Variants in PGM5 observed in about 807,000 individuals in gnomAD.
PGM5 encodes phosphoglucomutase 5, also known as phosphoglucomutase-like protein 5.
PGM5 carries 23 observed loss-of-function variants against 59.2 expected under a neutral mutation model. The observed-to-expected ratio is 0.39, with a 90% CI of 0.28 to 0.55. The LOEUF (loss-of-function observed/expected upper bound fraction) is 0.55, where lower values mean the gene tolerates loss of function less well. Ranked by LOEUF, PGM5 falls within the 20% of genes least tolerant of loss-of-function variation. PGM5 has a pLI of 0.66. For synonymous variants in PGM5, 214 were observed against 286.0 expected (o/e 0.75, Z 2.54); for missense variants, 574 against 748.3 (o/e 0.77, Z 2.72).
intron 10 of PGM5, among the ~76,000 whole-genome samples, chr9:68,507,833 A>T (rs1025126029): frequency 6.6e-6 from 1 of 152,102 alleles, no homozygotes; most frequent in African/African-American, 2.4e-5. Flanking sequence ...AGATATTGAA[A>T]TCTGGACTCA....
In PGM5 at chr9:68,395,704, G is replaced by A. The variant is rs2257447; in HGVS notation, c.1043+3231G>A. ...ATTTTCTTTATTTTGACGCTATTAT[G>A]AATGTTTTATGAATTTAATTTTCCA... On this transcript the variant is annotated intron_variant, in intron 6 of 10. Coordinates refer to ENST00000396396, the MANE Select transcript of PGM5 (RefSeq NM_021965.4). 2.6e-5 allele frequency: 4 copies of A among 151,966 alleles called. 1 individual carries two copies. In the South Asian group the frequency reaches 8.3e-4, roughly 32 times the overall value. The allele number at this position is 151,966 out of a possible 1,614,324, so 9.4% of individuals were successfully genotyped here. A position where few individuals can be genotyped will look rare whatever the true frequency, so the allele number is the denominator to read the frequency against.
intron 9 of PGM5, among the ~76,000 whole-genome samples, chr9:68,486,583 T>C (rs1824300291): frequency 2.0e-5 from 3 of 152,242 alleles, no homozygotes; most frequent in African/African-American, 7.2e-5. Flanking sequence ...ATTTTCAGGG[T>C]TCATCCACTT....
chr9:68,403,487 C>G (rs1587795384), intron 6 of PGM5, among the ~76,000 whole-genome samples: 1 of 152,178 alleles, frequency 6.6e-6, no homozygotes, highest in Non-Finnish European at 1.5e-5. Flanking sequence ...CAAAACCGGT[C>G]CCTGGTGCCA....
rs1823454959 is a variant in PGM5 at position 68,437,284 on chromosome 9, G to A, written c.1044-27809G>A. On this transcript the variant is annotated intron_variant, in intron 6 of 10. Coordinates refer to ENST00000396396, the MANE Select transcript of PGM5 (RefSeq NM_021965.4). The surrounding 1 kb of genome is among the most constrained non-coding windows in gnomAD (Gnocchi z 4.1). ...TCTCCTCTTGTTTTATTACATCTGG[G>A]TACTTATTGAAGGAAGAGACTCTGA... Among the ~76,000 whole-genome samples, 1 of 152,000 alleles carries A rather than the reference G, an allele frequency of 6.6e-6. No individual in the cohort carries two copies. The highest frequency in any genetic ancestry group is 2.4e-5 in the African/African-American group (1 of 41,376).
At chr9:68,365,542 A>G (rs2131976444) in intron 1 of PGM5, among the ~76,000 whole-genome samples, 1 of 152,338 alleles carries the variant, frequency 6.6e-6, no homozygotes, top group East Asian at 1.9e-4. Context: ...TTTTAGTAAC[A>G]TCAACTTTTG....
At chr9:68,382,490 A>G (rs1319261655) in intron 2 of PGM5, among the ~76,000 whole-genome samples, 10 of 151,798 alleles carry the variant, frequency 6.6e-5, no homozygotes, top group Non-Finnish European at 1.3e-4. Context: ...CTCAGGCTAC[A>G]AAAGCAAAAA....
chr9:68,461,554 A>ATT (rs2132076972), intron 6 of PGM5, among the ~76,000 whole-genome samples: 1 of 152,306 alleles, frequency 6.6e-6, no homozygotes, highest in East Asian at 1.9e-4. Context: ...AGGGCCTTTA[A>ATT]GAGGTGTTCA....
chr9:68,434,319 A>AG (rs1823408635), intron 6 of PGM5, among the ~76,000 whole-genome samples: 1 of 34,320 alleles, frequency 2.9e-5, no homozygotes, highest in African/African-American at 8.1e-5. Context: ...TCCGTCTCAA[A>AG]AAAAAAAAAA....
chr9:68,483,411 T>G (rs1383356057), intron 8 of PGM5, among the ~76,000 whole-genome samples: 2 of 152,024 alleles, frequency 1.3e-5, no homozygotes, highest in African/African-American at 2.4e-5. Flanking sequence ...GGCAGAAGAA[T>G]GTACAAGGTA....
rs782023048 is a variant in PGM5 at position 68,483,960 on chromosome 9, T to A, written c.1391T>A (p.Phe464Tyr). 6.2e-7 allele frequency: 1 copy of A among 1,614,140 alleles called. No homozygotes were observed. Among genetic ancestry groups the A allele is most frequent in the Non-Finnish European group, 8.5e-7 (1 of 1,180,002 alleles). ...VTDKSFIGQQ[F>Y]AVGSHVYSVA... ...GACAAATCCTTCATTGGCCAGCAGT[T>A]TGCTGTGGGGAGCCATGTCTACAGC... Residue 464 changes from phenylalanine (F) to tyrosine (Y), a missense_variant, in exon 9 of 11, where the codon TTT becomes TAT. Phe to Tyr is a conservative substitution (Grantham distance 22, BLOSUM62 3). Coordinates refer to ENST00000396396, the MANE Select transcript of PGM5 (RefSeq NM_021965.4).
At chr9:68,426,820 G>C (rs1823247050) in intron 6 of PGM5, 1 of 152,090 alleles carries the variant, frequency 6.6e-6, no homozygotes, top group Admixed American at 6.5e-5. Flanking sequence ...ATCTACATTT[G>C]GTGGCCATAT....
intron 1 of PGM5, among the ~76,000 whole-genome samples, chr9:68,362,164 A>C (rs1292974916): frequency 3.3e-5 from 5 of 150,276 alleles, no homozygotes; most frequent in Non-Finnish European, 7.4e-5. Flanking sequence ...CATTTTCTTC[A>C]CAACTGGGTT....
At chr9:68,401,145 TAAGAC>T (rs1554680574) in intron 6 of PGM5, among the ~76,000 whole-genome samples, 2 of 152,120 alleles carry the variant, frequency 1.3e-5, no homozygotes, top group African/African-American at 4.8e-5. Flanking sequence ...TGTTAACACT[TAAGAC>T]TATAAACTGT....
intron 6 of PGM5, among the ~76,000 whole-genome samples, chr9:68,435,861 G>A (rs2132059441): frequency 6.6e-6 from 1 of 152,182 alleles, no homozygotes; most frequent in South Asian, 2.1e-4. Flanking sequence ...ATAAGAACAG[G>A]GACCACATCT....
intron 9 of PGM5, chr9:68,496,865 T>C (rs1279993805): frequency 2.0e-5 from 3 of 152,160 alleles, no homozygotes; most frequent in African/African-American, 7.2e-5. Flanking sequence ...GAAGAGGTAA[T>C]CCCAAGTGAC....
Position 68,437,303 on chromosome 9 carries a change from ACT to A in PGM5, c.1044-27787_1044-27786del, listed in dbSNP as rs1320188914. On this transcript the variant is annotated intron_variant, in intron 6 of 10. Transcript: ENST00000396396. This position sits in a 1 kb window ranked among gnomAD's most constrained non-coding sequence, Gnocchi z 4.1. ...ATCTGGGTACTTATTGAAGGAAGAG[ACT>A]CTGATAGAGGATATTGTTAGTGGAG... 1.1e-4 allele frequency among the ~76,000 whole-genome samples: 17 copies of A among 152,024 alleles called. No individual in the cohort carries two copies. The highest frequency in any genetic ancestry group is 4.1e-4 in the African/African-American group (17 of 41,376).
intron 7 of PGM5, among the ~76,000 whole-genome samples, chr9:68,474,658 A>G (rs1420357857): frequency 6.6e-6 from 1 of 151,532 alleles, no homozygotes; most frequent in Non-Finnish European, 1.5e-5. Flanking sequence ...GTGGATGGAG[A>G]TGGCTGCTTC....
At chr9:68,422,345 G>T (rs1823145268) in intron 6 of PGM5, among the ~76,000 whole-genome samples, 1 of 152,208 alleles carries the variant, frequency 6.6e-6, no homozygotes. Context: ...AGGAGCTGAA[G>T]GAGATTACTG....
At chr9:68,461,392 T>A (rs1823856629) in intron 6 of PGM5, among the ~76,000 whole-genome samples, 1 of 152,204 alleles carries the variant, frequency 6.6e-6, no homozygotes, top group South Asian at 2.1e-4. Context: ...TCCACCTGTG[T>A]GTCTGAAAAG....
Sources: gnomAD v4.1 joint callset for allele counts (sites outside exome capture counted in the v4.1 genomes callset) on GRCh38, gnomAD v4.1.1 for gene constraint, Gnocchi (gnomAD v3.1) non-coding constraint, MANE v1.5 for transcripts, NCBI Gene and HGNC (gene_info 2026-07-23, HGNC 2026-07-21) for gene names.